The following RPH3A variants were observed in gnomAD, a reference collection of about 807,000 sequenced individuals.
RPH3A encodes the protein rabphilin-3A.
A neutral mutation model predicts 102.2 loss-of-function variants in RPH3A; 48 were observed. The ratio of observed to expected loss-of-function variants is 0.47; its 90% CI spans 0.37 to 0.60. The LOEUF is 0.60. Among genes scored for constraint, RPH3A ranks in the 20% least tolerant of loss-of-function variants. The probability of loss-of-function intolerance (pLI) is 0.00; values close to 1 mark genes in which losing one functional copy is unlikely to be tolerated. For synonymous variants in RPH3A, 310 were observed against 324.3 expected (o/e 0.96, Z 0.47); for missense variants, 781 against 910.1 (o/e 0.86, Z 1.83).
rs1565857044 is a variant in RPH3A at position 112,712,983 on chromosome 12, CG to C, written c.-139-79159del. On this transcript the variant is annotated intron_variant, in intron 1 of 21. Transcript: ENST00000543106. ...TTCTTCTTTCTTCTTCTTTCTTCTT[CG>C]TCGTCTTTGTCTTCCTCTTCCTCTT... is the stretch of plus-strand genomic sequence containing the variant. Among the ~76,000 whole-genome samples, 18 of 97,088 alleles carry C rather than the reference CG, an allele frequency of 1.9e-4. 1 individual carries two copies. Among genetic ancestry groups the C allele is most frequent in the East Asian group, 1.3e-3 (4 of 3,012 alleles). 63.7% of individuals were successfully genotyped at this position (97,088 alleles called of 152,430 possible).
intron 1 of RPH3A, among the ~76,000 whole-genome samples, chr12:112,729,294 C>T (rs1176277709): frequency 3.3e-5 from 5 of 152,086 alleles, no homozygotes; most frequent in African/African-American, 1.2e-4. Context: ...GACTGAAATC[C>T]TCCTATCTCA....
intron 1 of RPH3A, among the ~76,000 whole-genome samples, chr12:112,676,162 G>A (rs1305513013): frequency 6.6e-6 from 1 of 152,116 alleles, no homozygotes; most frequent in Non-Finnish European, 1.5e-5. Context: ...CCCGTTGGCA[G>A]AATGGACCTG....
chr12:112,661,636 C>T (rs1278691665), intron 1 of RPH3A, among the ~76,000 whole-genome samples: 1 of 152,178 alleles, frequency 6.6e-6, no homozygotes, highest in Non-Finnish European at 1.5e-5. Flanking sequence ...TCCTCTCATT[C>T]TACAGATAGG....
intron 1 of RPH3A, among the ~76,000 whole-genome samples, chr12:112,732,433 C>T (rs1431185424): frequency 6.6e-6 from 1 of 152,140 alleles, no homozygotes; most frequent in Non-Finnish European, 1.5e-5. Flanking sequence ...TTAATAATTC[C>T]TACTTTCTGG....
upstream of RPH3A, among the ~76,000 whole-genome samples, chr12:112,787,433 G>A (rs558322194): frequency 4.6e-5 from 7 of 152,314 alleles, no homozygotes; most frequent in Non-Finnish European, 1.0e-4. Context: ...TCTTGGGCAA[G>A]TCACTTGAGC....
chr12:112,754,228 T>C (rs765660557), intron 1 of RPH3A, among the ~76,000 whole-genome samples: 37 of 152,222 alleles, frequency 2.4e-4, no homozygotes, highest in Non-Finnish European at 4.4e-4. Flanking sequence ...AGACACACTC[T>C]TAAACTCTTT....
Position 112,620,421 on chromosome 12 carries a change from C to T in RPH3A, c.-140+45102C>T, listed in dbSNP as rs576946149. ...CTGAGTTTTCACTGGGCTTCCAGGA[C>T]ACCACATTCTCCTGGTCGTTTCCTT... On this transcript the variant is annotated intron_variant, in intron 1 of 21. Coordinates refer to the RPH3A transcript ENST00000543106. Among the ~76,000 whole-genome samples, 5 of 152,310 alleles carry T rather than the reference C, an allele frequency of 3.3e-5. No individual in the cohort carries two copies. The East Asian group carries it at 9.6e-4, about 29-fold the overall frequency.
intron 2 of RPH3A, among the ~76,000 whole-genome samples, chr12:112,811,796 T>C (rs1288563207): frequency 6.6e-6 from 1 of 152,210 alleles, no homozygotes; most frequent in East Asian, 1.9e-4. Context: ...GCATTCATCA[T>C]GACTATATTG....
At chr12:112,678,023 T>G (rs186524240) in intron 1 of RPH3A, among the ~76,000 whole-genome samples, 1 of 151,792 alleles carries the variant, frequency 6.6e-6, no homozygotes, top group Non-Finnish European at 1.5e-5. Context: ...AAACCCTGTC[T>G]CTACTATTAG....
At chr12:112,750,869 T>G (rs2136060558) in intron 1 of RPH3A, among the ~76,000 whole-genome samples, 1 of 152,298 alleles carries the variant, frequency 6.6e-6, no homozygotes, top group South Asian at 2.1e-4. Flanking sequence ...TTTCTCATTC[T>G]TCTGAGAGGG....
chr12:112,826,678 A>G (rs1303344120), intron 2 of RPH3A, among the ~76,000 whole-genome samples: 2 of 152,178 alleles, frequency 1.3e-5, no homozygotes, highest in Non-Finnish European at 2.9e-5. Context: ...TGTCAATATA[A>G]TCAAACAGTG....
At chr12:112,728,336 A>G (rs2040609384) in intron 1 of RPH3A, among the ~76,000 whole-genome samples, 2 of 151,880 alleles carry the variant, frequency 1.3e-5, no homozygotes, top group South Asian at 2.1e-4. Flanking sequence ...TCATGTTTTC[A>G]TAGCATCTTG....
chr12:112,825,434 G>C (rs539747837), intron 2 of RPH3A, among the ~76,000 whole-genome samples: 32 of 152,218 alleles, frequency 2.1e-4, no homozygotes, highest in African/African-American at 7.0e-4. Context: ...CAGCGTCACA[G>C]GAAACAAGAC....
chr12:112,796,504 G>A (rs1324459908), intron 2 of RPH3A, among the ~76,000 whole-genome samples: 1 of 152,192 alleles, frequency 6.6e-6, no homozygotes, highest in African/African-American at 2.4e-5. Context: ...ATTTACTAGC[G>A]AACATGTCAG....
intron 2 of RPH3A, among the ~76,000 whole-genome samples, chr12:112,822,485 G>A (rs1454441629): frequency 6.6e-6 from 1 of 152,192 alleles, no homozygotes; most frequent in African/African-American, 2.4e-5. Flanking sequence ...TTTGGGGGAT[G>A]GAACCACTGT....
rs1165980481 is a variant in RPH3A, at chr12:112,712,883, TTCTTCTTCTTCTTCTTCTTCC to T, written c.-139-79218_-139-79198del. Among the ~76,000 whole-genome samples the T allele has an allele frequency of 5.2e-3, 674 of 130,728 alleles. 18 individuals are homozygous for T. Among genetic ancestry groups the T allele is most frequent in the African/African-American group, 0.015 (420 of 27,986 alleles). 85.8% of individuals were successfully genotyped at this position (130,728 alleles called of 152,430 possible). ...ACCACACCCAGCTCACTTTTTTTTC[TTCTTCTTCTTCTTCTTCTTCC>T]TCTTCTTCTTCTTCTTCTTCCTCTT... On this transcript the variant is annotated intron_variant, in intron 1 of 21. Transcript: ENST00000543106.
intron 5 of RPH3A, among the ~76,000 whole-genome samples, chr12:112,856,028 C>T (rs942603408): frequency 1.3e-5 from 2 of 152,314 alleles, no homozygotes; most frequent in East Asian, 1.9e-4. Context: ...CGTGGTCAGC[C>T]ACTGCTTCTA....
At chr12:112,881,263 TC>T (rs2042904128) in intron 14 of RPH3A, among the ~76,000 whole-genome samples, 1 of 152,228 alleles carries the variant, frequency 6.6e-6, no homozygotes, top group African/African-American at 2.4e-5. Flanking sequence ...TATCTGAGCC[TC>T]ATCCCAGCCC....
Position 112,890,038 on chromosome 12 carries a change from G to A in RPH3A, c.1578G>A (p.Gly526=). 6.2e-7 allele frequency: 1 copy of A among 1,613,614 alleles called. No individual in the cohort carries two copies. Among genetic ancestry groups the A allele is most frequent in the Non-Finnish European group, 8.5e-7 (1 of 1,179,968 alleles). ...LERVIPMKRA[G]TTGSARGMAL... is the part of the protein sequence containing the mutation. ...CTTCTTTTAAGATGAAACGTGCTGG[G>A]ACCACCGGGTCAGCCCGAGGCATGG... is the stretch of plus-strand genomic sequence containing the variant. The change falls in exon 18 of 22, where the codon GGG becomes GGA. Residue 526 remains glycine (G), a synonymous_variant. Transcript: ENST00000389385.
Sources: gnomAD v4.1 joint callset for allele counts (sites outside exome capture counted in the v4.1 genomes callset) on GRCh38, gnomAD v4.1.1 for gene constraint, MANE v1.5 for transcripts, NCBI Gene and HGNC (gene_info 2026-07-23, HGNC 2026-07-21) for gene names.